Variants in RAI1 observed in about 807,000 individuals in gnomAD.
RAI1 encodes the protein retinoic acid induced 1.
In RAI1, 9 loss-of-function variants were observed where a neutral mutation model predicts 123.8. That is an observed-to-expected ratio of 0.07 (90% CI 0.04 to 0.13). The LOEUF is 0.13. Among genes scored for constraint, RAI1 ranks in the 10% least tolerant of loss-of-function variants. The probability of loss-of-function intolerance (pLI) is 1.00; values close to 1 mark genes in which losing one functional copy is unlikely to be tolerated. For missense variants in RAI1, 2,256 were observed against 2,545.8 expected, an observed-to-expected ratio of 0.89 and a Z score of 2.45; for synonymous variants, 1,231 against 1,127.3, an observed-to-expected ratio of 1.09 and a Z score of -1.84.
Position 17,796,217 on chromosome 17 carries a change from C to A in RAI1, c.3269C>A (p.Ala1090Asp). ...GACAAACTGGGGGGCAAGCAGCGAG[C>A]CGCCTTCAAGTCGGGCAAGCGGGTG... The part of the protein sequence containing the change: ...PPDKLGGKQR[A>D]AFKSGKRVGK... The change falls in exon 3 of 6, where the codon GCC (alanine) becomes GAC (aspartate). Residue 1090 changes from alanine (A) to aspartate (D), a missense_variant. Physicochemically the swap from Ala to Asp is moderately radical, Grantham distance 126. Transcript: ENST00000353383. The surrounding 1 kb of genome is among the most constrained non-coding windows in gnomAD (Gnocchi z 5.8). The A allele has an allele frequency of 1.3e-6, 2 of 1,559,884 alleles. No homozygotes were observed. The highest frequency in any genetic ancestry group is 1.2e-5 in the South Asian group (1 of 83,962).
chr17:17,721,787 A>G (rs1567847934), intron 1 of RAI1, among the ~76,000 whole-genome samples: 1 of 152,208 alleles, frequency 6.6e-6, no homozygotes, highest in African/African-American at 2.4e-5. Flanking sequence ...GACAGAGACT[A>G]AGCAGTCTGA....
At chr17:17,755,041 C>T (rs1196881056) in intron 2 of RAI1, among the ~76,000 whole-genome samples, 1 of 152,174 alleles carries the variant, frequency 6.6e-6, no homozygotes. Context: ...TAGCTGTACC[C>T]CCACAACATT....
chr17:17,751,646 C>G (rs2030174434), intron 2 of RAI1, among the ~76,000 whole-genome samples: 1 of 152,254 alleles, frequency 6.6e-6, no homozygotes, highest in Admixed American at 6.5e-5. Flanking sequence ...TGCGGGCACA[C>G]TACTGCCTTG....
intron 1 of RAI1, among the ~76,000 whole-genome samples, chr17:17,713,138 G>A (rs1915614997): frequency 6.6e-6 from 1 of 152,146 alleles, no homozygotes; most frequent in African/African-American, 2.4e-5. Context: ...GAATTTTATA[G>A]TGAGTGAATT....
chr17:17,687,827 T>G (rs1197149787), intron 1 of RAI1, among the ~76,000 whole-genome samples: 1 of 149,498 alleles, frequency 6.7e-6, no homozygotes, highest in Non-Finnish European at 1.5e-5. Flanking sequence ...GTCAGGAGTT[T>G]GAGACTAGCC....
Position 17,685,437 on chromosome 17 carries a change from C to T in RAI1, c.-149+3644C>T, listed in dbSNP as rs192198639. ...GCTTCCTGGAGGAGGGGCCTTTGAGCAGGTGCTTCAGGCACGGCGAGGTAA... is the reference window on the plus strand; with the variant it reads ...GCTTCCTGGAGGAGGGGCCTTTGAGTAGGTGCTTCAGGCACGGCGAGGTAA... On this transcript the variant is annotated intron_variant, in intron 1 of 5. Transcript: ENST00000353383. This position sits in a 1 kb window ranked among gnomAD's most constrained non-coding sequence, Gnocchi z 4.0. Among the ~76,000 whole-genome samples, 35 of 152,358 alleles carry T rather than the reference C, an allele frequency of 2.3e-4. No homozygotes were observed. Among genetic ancestry groups the T allele is most frequent in the Non-Finnish European group, 4.7e-4 (32 of 68,040 alleles).
intron 2 of RAI1, among the ~76,000 whole-genome samples, chr17:17,737,789 G>C (rs1279352478): frequency 1.3e-5 from 2 of 152,210 alleles, no homozygotes; most frequent in Non-Finnish European, 2.9e-5. Flanking sequence ...TCAGGGCGGG[G>C]GGCCCCAGCC....
intron 4 of RAI1, among the ~76,000 whole-genome samples, chr17:17,805,821 C>T (rs1017941628): frequency 1.3e-5 from 2 of 152,110 alleles, no homozygotes; most frequent in African/African-American, 2.4e-5. Flanking sequence ...GGCATGTGGC[C>T]GCACTCCCCA....
At chr17:17,694,072 G>A (rs1914928796) in intron 1 of RAI1, among the ~76,000 whole-genome samples, 1 of 152,206 alleles carries the variant, frequency 6.6e-6, no homozygotes, top group Non-Finnish European at 1.5e-5. Flanking sequence ...CCCTTGTCCC[G>A]TCATTGCTGG....
chr17:17,699,811 C>T (rs1404555977), intron 1 of RAI1, among the ~76,000 whole-genome samples: 1 of 152,194 alleles, frequency 6.6e-6, no homozygotes, highest in Non-Finnish European at 1.5e-5. Flanking sequence ...ACGGTCCCAT[C>T]CCCCACCACT....
intron 2 of RAI1, among the ~76,000 whole-genome samples, chr17:17,744,179 C>A (rs1250059575): frequency 6.6e-6 from 1 of 152,182 alleles, no homozygotes; most frequent in Non-Finnish European, 1.5e-5. Flanking sequence ...CAGTATCACC[C>A]CTCTTCGTCA....
intron 1 of RAI1, among the ~76,000 whole-genome samples, chr17:17,699,640 G>A (rs866262559): frequency 0.014 from 1,991 of 138,568 alleles, 54 homozygotes; most frequent in African/African-American, 0.049. Flanking sequence ...GGGGGGGGGG[G>A]AATCAAATGA....
intron 2 of RAI1, among the ~76,000 whole-genome samples, chr17:17,790,824 C>T (rs138289651): frequency 9.2e-5 from 14 of 152,274 alleles, no homozygotes; most frequent in East Asian, 3.9e-4. Flanking sequence ...GCTGTGCCCT[C>T]GGCCTGGGCA....
Position 17,797,954 on chromosome 17 carries a change from C to T in RAI1, c.5006C>T (p.Thr1669Met), listed in dbSNP as rs1004463803. The part of the protein sequence containing the change: ...QPRPSLPLSS[T>M]MHLGPVVSKA... ...CGGCCCTCCTTGCCCCTCTCCTCCA[C>T]GATGCACTTGGGGCCTGTGGTTTCC... Residue 1669 changes from threonine (T) to methionine (M), a missense_variant, in exon 3 of 6, where the codon ACG becomes ATG. By Grantham distance (81) the Thr-to-Met change is moderately conservative (BLOSUM62 -1). Transcript: ENST00000353383. The T allele has an allele frequency of 1.5e-5, 24 of 1,613,962 alleles. No homozygotes were observed. Among genetic ancestry groups the T allele is most frequent in the Middle Eastern group, 1.6e-4 (1 of 6,084 alleles).
In RAI1 at chr17:17,794,418, C is replaced by T. The variant is rs958900938; in HGVS notation, c.1470C>T (p.Ala490=). Residue 490 remains alanine (A), a synonymous_variant, in exon 3 of 6, where the codon GCC becomes GCT. Transcript: ENST00000353383. ...GCCCCGAAGGGAGCGGCTACTCAGC[C>T]GAGCCCGCAGGCACACCGCTGTCAG... ...HCSPEGSGYS[A]EPAGTPLSEP... 11 of 1,612,882 alleles carry T rather than the reference C, an allele frequency of 6.8e-6. No homozygotes were observed. The Middle Eastern group carries it at 4.9e-4, about 72-fold the overall frequency.
chr17:17,808,675 G>A (rs1028651648), intron 4 of RAI1, among the ~76,000 whole-genome samples: 26 of 152,050 alleles, frequency 1.7e-4, no homozygotes, highest in African/African-American at 6.3e-4. Context: ...TTGAACTCCT[G>A]GGCTCAAGCG....
intron 1 of RAI1, among the ~76,000 whole-genome samples, chr17:17,687,422 C>T (rs9303142): frequency 0.077 from 11,683 of 152,092 alleles, 845 homozygotes; most frequent in African/African-American, 0.18. Context: ...CATGAGAAAC[C>T]AGGGACCCCG....
At chr17:17,710,797 T>TG (rs1915542113) in intron 1 of RAI1, among the ~76,000 whole-genome samples, 1 of 152,186 alleles carries the variant, frequency 6.6e-6, no homozygotes, top group South Asian at 2.1e-4. Context: ...ATTCTGTAGG[T>TG]GGGGACCTTT....
At chr17:17,740,244 G>A (rs1916577636) in intron 2 of RAI1, among the ~76,000 whole-genome samples, 1 of 152,210 alleles carries the variant, frequency 6.6e-6, no homozygotes, top group South Asian at 2.1e-4. Flanking sequence ...GCCCCAAGCT[G>A]TGCTGGTGGT....
Sources: gnomAD v4.1 joint callset for allele counts (sites outside exome capture counted in the v4.1 genomes callset) on GRCh38, gnomAD v4.1.1 for gene constraint, Gnocchi (gnomAD v3.1) non-coding constraint, MANE v1.5 for transcripts, NCBI Gene and HGNC (gene_info 2026-07-23, HGNC 2026-07-21) for gene names.